PCDH11X: variants seen among roughly 807,000 people sequenced by gnomAD.
The protein encoded by PCDH11X is protocadherin-11 X-linked.
A neutral mutation model predicts 53.3 loss-of-function variants in PCDH11X; 18 were observed. The ratio of observed to expected loss-of-function variants is 0.34; its 90% CI spans 0.23 to 0.50. The LOEUF (loss-of-function observed/expected upper bound fraction) is 0.50. PCDH11X is among the 20% of genes least tolerant of loss of function. The probability of loss-of-function intolerance (pLI) is 0.98; values close to 1 mark genes in which losing one functional copy is unlikely to be tolerated. For missense variants in PCDH11X, 570 were observed against 1,032.4 expected (o/e 0.55, Z 6.14); for synonymous variants, 279 against 393.3 (o/e 0.71, Z 3.44).
At chrX:91,971,280 A>G (rs2061956535) in intron 6 of PCDH11X, among the ~76,000 whole-genome samples, 1 of 110,049 alleles carries the variant, frequency 9.1e-6, no homozygotes, top group South Asian at 3.9e-4. Context: ...TGCATACTTT[A>G]GTAAAACAAA....
intron 6 of PCDH11X, among the ~76,000 whole-genome samples, chrX:92,095,706 A>T (rs751945869): frequency 2.3e-4 from 26 of 112,299 alleles, no homozygotes; most frequent in Admixed American, 5.7e-4. Flanking sequence ...AATATACGCC[A>T]TTTAAACCTT....
At chrX:92,517,970 T>C (rs1033830499) in intron 10 of PCDH11X, among the ~76,000 whole-genome samples, 2 of 110,566 alleles carry the variant, frequency 1.8e-5, no homozygotes, top group Non-Finnish European at 3.8e-5. Context: ...ATGATAGCAT[T>C]TTCATTCACA....
intron 6 of PCDH11X, among the ~76,000 whole-genome samples, chrX:92,093,196 C>G (rs35177872): frequency 9.0e-6 from 1 of 111,347 alleles, no homozygotes. Context: ...ACAGCAATGC[C>G]GGAACAGACT....
chrX:92,418,637 G>T (rs2071874821), intron 9 of PCDH11X, among the ~76,000 whole-genome samples: 1 of 108,176 alleles, frequency 9.2e-6, no homozygotes, highest in South Asian at 4.1e-4. Context: ...AGTCACTCAG[G>T]CTGGAGTGTA....
chrX:92,310,916 A>C (rs989318260), intron 8 of PCDH11X, among the ~76,000 whole-genome samples: 1 of 111,982 alleles, frequency 8.9e-6, no homozygotes, highest in Non-Finnish European at 1.9e-5. Context: ...TGAGTAAAAT[A>C]ACCTGAGCAG....
intron 9 of PCDH11X, among the ~76,000 whole-genome samples, chrX:92,395,050 C>T (rs1342750136): frequency 9.0e-6 from 1 of 110,971 alleles, no homozygotes; most frequent in African/African-American, 3.3e-5. Context: ...TAACAGTGTT[C>T]GCTTAGCCAA....
At chrX:92,084,811 T>C (rs901244909) in intron 6 of PCDH11X, among the ~76,000 whole-genome samples, 1 of 110,796 alleles carries the variant, frequency 9.0e-6, no homozygotes, top group African/African-American at 3.3e-5. Flanking sequence ...TATACAATGC[T>C]ACATCACTGG....
intron 7 of PCDH11X, among the ~76,000 whole-genome samples, chrX:92,257,772 G>A (rs1357065629): frequency 8.9e-6 from 1 of 112,697 alleles, no homozygotes; most frequent in Non-Finnish European, 1.9e-5. Context: ...ATCTGCCCCT[G>A]TGGCTTTGCA....
chrX:92,505,203 TAAGTCACAC>T (rs2074034715), intron 10 of PCDH11X, among the ~76,000 whole-genome samples: 1 of 89,930 alleles, frequency 1.1e-5, no homozygotes, highest in Non-Finnish European at 2.2e-5. Flanking sequence ...TTAGTTTAAT[TAAGTCACAC>T]TTGTCTTTTT....
At chrX:92,120,155 CTTTT>C (rs764997941) in intron 6 of PCDH11X, among the ~76,000 whole-genome samples, 1 of 60,688 alleles carries the variant, frequency 1.6e-5, no homozygotes. Flanking sequence ...ACTTTTCTTT[CTTTT>C]TTTTTTTTTT....
In PCDH11X at chrX:92,446,054, G is replaced by A. The variant is rs1044564448; in HGVS notation, c.3344-22245G>A. On this transcript the variant is annotated intron_variant, in intron 9 of 10. Transcript: ENST00000682573. ...TTGGTTTTGTGTCATGTCTCAATATGTCACCAAAGCCAGCCCAGATTTTAA... is the reference window on the plus strand; with the variant it reads ...TTGGTTTTGTGTCATGTCTCAATATATCACCAAAGCCAGCCCAGATTTTAA... Among the ~76,000 whole-genome samples, 80 of 108,668 alleles carry A rather than the reference G, an allele frequency of 7.4e-4. 1 individual carries two copies. Among genetic ancestry groups the A allele is most frequent in the African/African-American group, 2.6e-3 (77 of 29,881 alleles). The allele number at this position is 108,668 out of a possible 115,157, so 94.4% of individuals were successfully genotyped here. A position where few individuals can be genotyped will look rare whatever the true frequency, so the allele number is the denominator to read the frequency against.
chrX:92,077,749 C>T (rs1434388736), intron 6 of PCDH11X, among the ~76,000 whole-genome samples: 77 of 110,597 alleles, frequency 7.0e-4, no homozygotes, highest in Non-Finnish European at 1.9e-4. Context: ...AAGTAAGAAA[C>T]ATATAGGAGT....
At chrX:91,822,799 T>C (rs747180674) in intron 4 of PCDH11X, among the ~76,000 whole-genome samples, 3 of 111,797 alleles carry the variant, frequency 2.7e-5, no homozygotes, top group East Asian at 5.7e-4. Flanking sequence ...CTGCTTTCTC[T>C]TGTGGGCATT....
At chrX:92,438,933 G>A (rs1032047362) in intron 9 of PCDH11X, among the ~76,000 whole-genome samples, 2 of 110,968 alleles carry the variant, frequency 1.8e-5, no homozygotes, top group Non-Finnish European at 3.8e-5. Flanking sequence ...ATTAATATGG[G>A]TGAGAAAAAG....
intron 8 of PCDH11X, among the ~76,000 whole-genome samples, chrX:92,277,167 G>C (rs926271806): frequency 1.8e-5 from 2 of 110,093 alleles, no homozygotes; most frequent in African/African-American, 3.3e-5. Flanking sequence ...GGTTGGGACT[G>C]AGGGGACAGG....
At chrX:91,974,470 A>G (rs2062018820) in intron 6 of PCDH11X, among the ~76,000 whole-genome samples, 1 of 111,817 alleles carries the variant, frequency 8.9e-6, no homozygotes, top group African/African-American at 3.3e-5. Flanking sequence ...GGATTTTGTC[A>G]AGTAAATATC....
At chrX:92,611,950 G>A (rs1927435621) in intron 10 of PCDH11X, among the ~76,000 whole-genome samples, 1 of 103,328 alleles carries the variant, frequency 9.7e-6, no homozygotes, top group African/African-American at 3.6e-5. Flanking sequence ...AGTCTTCACG[G>A]TCAATTAATT....
At chrX:91,980,955 GTATA>G (rs766457156) in intron 6 of PCDH11X, among the ~76,000 whole-genome samples, 1 of 83,624 alleles carries the variant, frequency 1.2e-5, no homozygotes, top group Non-Finnish European at 2.3e-5. Context: ...TTTTATATAT[GTATA>G]TATATATATA....
chrX:92,147,695 A>G (rs2065289996), intron 6 of PCDH11X, among the ~76,000 whole-genome samples: 1 of 108,989 alleles, frequency 9.2e-6, no homozygotes, highest in African/African-American at 3.4e-5. Flanking sequence ...CAGGTAGACA[A>G]CTTTGAAGCA....
Sources: gnomAD v4.1 joint callset for allele counts (sites outside exome capture counted in the v4.1 genomes callset) on GRCh38, gnomAD v4.1.1 for gene constraint, MANE v1.5 for transcripts, NCBI Gene and HGNC (gene_info 2026-07-23, HGNC 2026-07-21) for gene names.